Variants in LDLRAD4 observed in about 807,000 individuals in gnomAD.
LDLRAD4 encodes low-density lipoprotein receptor class A domain-containing protein 4.
In LDLRAD4, 5 loss-of-function variants were observed where a neutral mutation model predicts 17.0. The observed-to-expected ratio is 0.29, with a 90% CI of 0.15 to 0.62. The LOEUF (loss-of-function observed/expected upper bound fraction) is 0.62. LDLRAD4 is among the 20% of genes least tolerant of loss of function. LDLRAD4 has a pLI of 0.84. For synonymous variants in LDLRAD4, 168 were observed against 171.8 expected (o/e 0.98, Z 0.17); for missense variants, 340 against 424.7 (o/e 0.80, Z 1.75).
At chr18:13,222,439 C>T (rs962155168) in intron 1 of LDLRAD4, among the ~76,000 whole-genome samples, 3 of 151,798 alleles carry the variant, frequency 2.0e-5, no homozygotes, top group African/African-American at 7.3e-5. Context: ...TTAAGTTTGT[C>T]AGACAGTTTA....
chr18:13,457,027 T>G (rs1389678717), intron 3 of LDLRAD4, among the ~76,000 whole-genome samples: 2 of 152,202 alleles, frequency 1.3e-5, no homozygotes, highest in African/African-American at 4.8e-5. Context: ...AGAAGAACAC[T>G]TCTGTGGCCT....
intron 1 of LDLRAD4, among the ~76,000 whole-genome samples, chr18:13,269,501 T>C (rs1328957885): frequency 2.0e-5 from 3 of 152,214 alleles, no homozygotes; most frequent in Non-Finnish European, 2.9e-5. Flanking sequence ...ATTAAAATGA[T>C]CCGTTAATGT....
At chr18:13,434,907 T>C (rs1252630803) in intron 2 of LDLRAD4, among the ~76,000 whole-genome samples, 3 of 152,216 alleles carry the variant, frequency 2.0e-5, no homozygotes, top group Admixed American at 6.5e-5. Context: ...GCGCTGCCCA[T>C]TGGAGCCAGG....
chr18:13,401,880 G>A (rs892233164), intron 2 of LDLRAD4, among the ~76,000 whole-genome samples: 2 of 152,188 alleles, frequency 1.3e-5, no homozygotes, highest in African/African-American at 4.8e-5. Flanking sequence ...CTTCCCTGAG[G>A]TTTGTGGACT....
chr18:13,378,292 G>A (rs2085077519), intron 1 of LDLRAD4, among the ~76,000 whole-genome samples: 1 of 152,154 alleles, frequency 6.6e-6, no homozygotes, highest in Non-Finnish European at 1.5e-5. Flanking sequence ...GCTGCTCCTG[G>A]GGACAGTTGC....
chr18:13,230,887 G>T (rs908441919), intron 1 of LDLRAD4, among the ~76,000 whole-genome samples: 3 of 152,186 alleles, frequency 2.0e-5, no homozygotes, highest in Non-Finnish European at 4.4e-5. Flanking sequence ...GACACAGGTC[G>T]GGGAGGGATT....
At chr18:13,586,878 A>AT (rs60881062) in intron 3 of LDLRAD4, among the ~76,000 whole-genome samples, 3 of 149,912 alleles carry the variant, frequency 2.0e-5, no homozygotes, top group Non-Finnish European at 4.4e-5. Context: ...AAAAAAAAAA[A>AT]GGAAAAAAAA....
At chr18:13,448,872 A>G (rs1204331857) in intron 3 of LDLRAD4, among the ~76,000 whole-genome samples, 2 of 152,220 alleles carry the variant, frequency 1.3e-5, no homozygotes, top group Non-Finnish European at 2.9e-5. Flanking sequence ...TGGACTGCAG[A>G]GGTGGGTGAC....
At chr18:13,599,930 A>C (rs1222863490) in intron 3 of LDLRAD4, among the ~76,000 whole-genome samples, 2 of 152,216 alleles carry the variant, frequency 1.3e-5, no homozygotes, top group Non-Finnish European at 2.9e-5. Context: ...AAGAAAGAAA[A>C]TTATCTTTAT....
chr18:13,406,613 C>G (rs570710254), intron 2 of LDLRAD4, among the ~76,000 whole-genome samples: 29 of 152,316 alleles, frequency 1.9e-4, no homozygotes, highest in Non-Finnish European at 3.7e-4. Flanking sequence ...GGAGCCTCAT[C>G]ATTCTGACTA....
rs74449018 is a variant in LDLRAD4, at chr18:13,565,938, G to A, written c.182-55179G>A. Among the ~76,000 whole-genome samples the A allele has an allele frequency of 3.2e-3, 484 of 152,366 alleles. 1 individual carries two copies. The highest frequency in any genetic ancestry group is 5.2e-3 in the Non-Finnish European group (351 of 68,038). On this transcript the variant is annotated intron_variant, in intron 3 of 5. Transcript: ENST00000359446. ...GACTGTGACGATGATGTCCCATGTG[G>A]CATTAAACACAAGCCGAGCTGCTGC...
chr18:13,518,762 GT>G (rs1219713641), intron 3 of LDLRAD4, among the ~76,000 whole-genome samples: 1 of 152,150 alleles, frequency 6.6e-6, no homozygotes, highest in Non-Finnish European at 1.5e-5. Context: ...TGGCTTCGGT[GT>G]TTTTGACTCA....
At position 13,621,589 on chromosome 18, in the gene LDLRAD4, C is replaced by T. The variant is rs956262029; in HGVS notation, c.336+318C>T. Among the ~76,000 whole-genome samples the T allele has an allele frequency of 1.3e-5, 2 of 152,200 alleles. No individual in the cohort carries two copies. The highest frequency in any genetic ancestry group is 2.9e-5 in the Non-Finnish European group (2 of 68,044). ...ACGGGACCGGCCCTGGGTGGTCCCT[C>T]GTGCCTGGCTCCTCTGGCTTGGCAG... is the stretch of plus-strand genomic sequence containing the variant. On this transcript the variant is annotated intron_variant, in intron 4 of 5. Transcript: ENST00000359446. The surrounding 1 kb of genome is among the most constrained non-coding windows in gnomAD (Gnocchi z 5.5).
intron 3 of LDLRAD4, among the ~76,000 whole-genome samples, chr18:13,465,449 C>T (rs964983325): frequency 1.3e-5 from 2 of 152,180 alleles, no homozygotes; most frequent in African/African-American, 4.8e-5. Flanking sequence ...AATGCCCATC[C>T]TGATGATTTT....
At chr18:13,543,438 G>C (rs2094314601) in intron 3 of LDLRAD4, 1 of 152,222 alleles carries the variant, frequency 6.6e-6, no homozygotes, top group Admixed American at 6.5e-5. Context: ...GTTTACTGAA[G>C]AGTGTGCTGG....
chr18:13,413,029 G>C (rs2088527032), intron 2 of LDLRAD4, among the ~76,000 whole-genome samples: 1 of 152,194 alleles, frequency 6.6e-6, no homozygotes, highest in African/African-American at 2.4e-5. Context: ...GCATCAGTCA[G>C]GATTCTTCTT....
intron 1 of LDLRAD4, among the ~76,000 whole-genome samples, chr18:13,356,007 A>G (rs1013405005): frequency 1.3e-5 from 2 of 152,224 alleles, no homozygotes; most frequent in Non-Finnish European, 2.9e-5. Flanking sequence ...TTGAGGCCAT[A>G]TAGGAGCAGG....
At chr18:13,618,198 CACAA>C (rs1484862618) in intron 3 of LDLRAD4, among the ~76,000 whole-genome samples, 1 of 152,186 alleles carries the variant, frequency 6.6e-6, no homozygotes, top group African/African-American at 2.4e-5. Context: ...AGTGAAAAGA[CACAA>C]ACAAGATATT....
At chr18:13,533,622 G>T (rs1011970197) in intron 3 of LDLRAD4, among the ~76,000 whole-genome samples, 4 of 152,174 alleles carry the variant, frequency 2.6e-5, no homozygotes, top group Non-Finnish European at 4.4e-5. Context: ...TGTTTTGGAA[G>T]TGATTATGTA....
Sources: allele counts gnomAD v4.1 joint callset (sites outside exome capture counted in the v4.1 genomes callset), GRCh38; gene constraint gnomAD v4.1.1; non-coding constraint Gnocchi (gnomAD v3.1); transcripts MANE v1.5; gene names NCBI Gene and HGNC (gene_info 2026-07-23, HGNC 2026-07-21).